AKAP6: variants seen among roughly 807,000 people sequenced by gnomAD.
AKAP6 encodes the protein A-kinase anchor protein 6.
Under a neutral mutation model 188.5 loss-of-function variants are expected in AKAP6, and 58 were observed. The ratio of observed to expected loss-of-function variants is 0.31; its 90% confidence interval spans 0.25 to 0.38. AKAP6 has a LOEUF of 0.38. Among genes scored for constraint, AKAP6 ranks in the 10% least tolerant of loss-of-function variants. AKAP6 has a pLI of 1.00. For missense variants in AKAP6, 2,710 were observed against 2,740.0 expected, an observed-to-expected ratio of 0.99 and a Z score of 0.24; for synonymous variants, 989 against 998.6, an observed-to-expected ratio of 0.99 and a Z score of 0.18.
intron 9 of AKAP6, among the ~76,000 whole-genome samples, chr14:32,704,140 A>G (rs1427487490): frequency 6.6e-6 from 1 of 152,182 alleles, no homozygotes; most frequent in African/African-American, 2.4e-5. Flanking sequence ...GTAATAAGTA[A>G]TAACCATCAT....
intron 2 of AKAP6, among the ~76,000 whole-genome samples, chr14:32,440,185 C>CT (rs1242364960): frequency 1.3e-5 from 2 of 152,026 alleles, no homozygotes; most frequent in African/African-American, 4.8e-5. Context: ...TGAATTCATC[C>CT]TTTTTTATGG....
intron 12 of AKAP6, among the ~76,000 whole-genome samples, chr14:32,777,818 G>T (rs1270811659): frequency 6.6e-6 from 1 of 152,128 alleles, no homozygotes; most frequent in East Asian, 1.9e-4. Flanking sequence ...TGGGAGGACT[G>T]CTTGAGGCCA....
chr14:32,817,694 G>C (rs973747918), intron 12 of AKAP6, among the ~76,000 whole-genome samples: 3 of 152,022 alleles, frequency 2.0e-5, no homozygotes, highest in African/African-American at 7.2e-5. Context: ...AATACTCTTA[G>C]ATTTTGTCTA....
intron 2 of AKAP6, among the ~76,000 whole-genome samples, chr14:32,522,155 G>C (rs928729634): frequency 6.6e-5 from 10 of 152,002 alleles, no homozygotes; most frequent in African/African-American, 2.4e-4. Flanking sequence ...TCTGAAACTG[G>C]ATCCTTCCTT....
intron 12 of AKAP6, among the ~76,000 whole-genome samples, chr14:32,792,003 A>G (rs574445543): frequency 3.3e-5 from 5 of 152,304 alleles, no homozygotes; most frequent in East Asian, 3.9e-4. Context: ...TACCAGTACC[A>G]TGCTGTTTTG....
chr14:32,329,938 A>G (rs995131052), intron 1 of AKAP6, among the ~76,000 whole-genome samples: 14 of 152,296 alleles, frequency 9.2e-5, no homozygotes, highest in Middle Eastern at 6.8e-3. Context: ...TGCATATTCA[A>G]GACAGAATTT....
At chr14:32,540,848 G>T in intron 3 of AKAP6, among the ~76,000 whole-genome samples, 1 of 150,558 alleles carries the variant, frequency 6.6e-6, no homozygotes. Flanking sequence ...TACTGTTTTT[G>T]GTTTTGCTTT....
chr14:32,441,935 TG>T (rs1218921030), intron 2 of AKAP6, among the ~76,000 whole-genome samples: 3 of 152,310 alleles, frequency 2.0e-5, no homozygotes, highest in Non-Finnish European at 2.9e-5. Flanking sequence ...GAAGTGTTAT[TG>T]GGGTTTTTTA....
At chr14:32,361,853 C>T (rs1017893677) in intron 1 of AKAP6, among the ~76,000 whole-genome samples, 2 of 152,074 alleles carry the variant, frequency 1.3e-5, no homozygotes, top group Non-Finnish European at 2.9e-5. Flanking sequence ...AAGGGCTCCC[C>T]TCCTGTTGTG....
intron 12 of AKAP6, among the ~76,000 whole-genome samples, chr14:32,813,773 C>T (rs976973054): frequency 2.6e-5 from 4 of 151,964 alleles, no homozygotes; most frequent in African/African-American, 7.3e-5. Flanking sequence ...TCTTTCTTCT[C>T]GGAATTCCTT....
intron 7 of AKAP6, among the ~76,000 whole-genome samples, chr14:32,616,679 C>G (rs749574120): frequency 9.9e-4 from 151 of 152,196 alleles, no homozygotes; most frequent in Non-Finnish European, 1.4e-3. Context: ...ACAAAATAAT[C>G]TGTACAACAA....
At chr14:32,561,087 T>G (rs79820977) in intron 4 of AKAP6, among the ~76,000 whole-genome samples, 6,839 of 152,278 alleles carry the variant, frequency 0.045, 180 homozygotes, top group Middle Eastern at 0.078. Context: ...TCATTTTAAT[T>G]ATGAAAACTT....
intron 2 of AKAP6, among the ~76,000 whole-genome samples, chr14:32,495,583 G>T (rs1447960274): frequency 6.6e-6 from 1 of 152,150 alleles, no homozygotes; most frequent in Non-Finnish European, 1.5e-5. Context: ...TCGTATTGTT[G>T]TTACCCAAGT....
intron 3 of AKAP6, among the ~76,000 whole-genome samples, chr14:32,544,834 C>A (rs1244870643): frequency 3.9e-5 from 6 of 152,194 alleles, no homozygotes; most frequent in African/African-American, 1.4e-4. Flanking sequence ...TAGCAAAAAG[C>A]AAAACAGACA....
intron 4 of AKAP6, 21 bp from the exon 5 acceptor site, chr14:32,577,099 C>T: frequency 6.3e-7 from 1 of 1,588,804 alleles, no homozygotes; most frequent in Non-Finnish European, 8.5e-7. Flanking sequence ...CTTTTTTTCC[C>T]CTTTTCTTTC....
At chr14:32,467,796 AC>A in intron 2 of AKAP6, among the ~76,000 whole-genome samples, 1 of 151,592 alleles carries the variant, frequency 6.6e-6, no homozygotes, top group Non-Finnish European at 1.5e-5. Context: ...TTTCAATGAG[AC>A]CCCCAATATT....
intron 1 of AKAP6, among the ~76,000 whole-genome samples, chr14:32,426,868 G>T (rs1169686124): frequency 6.6e-6 from 1 of 152,128 alleles, no homozygotes; most frequent in African/African-American, 2.4e-5. Flanking sequence ...TAGGAGGAAG[G>T]TTTGAGGGGA....
intron 1 of AKAP6, among the ~76,000 whole-genome samples, chr14:32,420,445 C>T: frequency 6.6e-6 from 1 of 151,274 alleles, no homozygotes; most frequent in East Asian, 2.0e-4. Flanking sequence ...GTTATTGCAG[C>T]ATTTAGTGTT....
rs1884759959 is a variant in AKAP6 at position 32,577,138 on chromosome 14, G to T, written c.2365G>T (p.Asp789Tyr). 6.2e-7 allele frequency: 1 copy of T among 1,609,612 alleles called. No homozygotes were observed. Among genetic ancestry groups the T allele is most frequent in the African/African-American group, 1.3e-5 (1 of 74,690 alleles). The change falls in exon 5 of 14, where the codon GAT becomes TAT. Residue 789 changes from aspartate (D) to tyrosine (Y), a missense_variant. Physicochemically the swap from Asp to Tyr is radical, Grantham distance 160 (BLOSUM62 -3). Transcript: ENST00000280979. ...TCACAAGGGGTTTGTAAACAAACTG[G>T]ATGAATTCATTCAATGGTTAAATGA... The part of the protein sequence containing the change: ...EKIEGFVNKL[D>Y]EFIQWLNEAM...
Sources: gnomAD v4.1 joint callset for allele counts (sites outside exome capture counted in the v4.1 genomes callset) on GRCh38, gnomAD v4.1.1 for gene constraint, MANE v1.5 for transcripts, NCBI Gene and HGNC (gene_info 2026-07-23, HGNC 2026-07-21) for gene names.